WDPCP: variants seen among roughly 807,000 people sequenced by gnomAD.
WDPCP encodes the protein WD repeat-containing and planar cell polarity effector protein fritz homolog.
A neutral mutation model predicts 93.1 loss-of-function variants in WDPCP; 71 were observed. That is an observed-to-expected ratio of 0.76 (90% CI 0.63 to 0.93). The LOEUF (loss-of-function observed/expected upper bound fraction) is 0.93. WDPCP is among the 40% of genes least tolerant of loss of function. The pLI is 0.00. For synonymous variants in WDPCP, 315 were observed against 315.0 expected (o/e 1.00, Z 0.00); for missense variants, 844 against 887.4 (o/e 0.95, Z 0.62).
chr2:63,422,420 G>C (rs1215982974), intron 9 of WDPCP, among the ~76,000 whole-genome samples: 1 of 152,052 alleles, frequency 6.6e-6, no homozygotes, highest in Non-Finnish European at 1.5e-5. Flanking sequence ...AGCTAACAGG[G>C]CACCTTCAGA....
chr2:63,784,468 T>A (rs1670440265), intron 2 of WDPCP, among the ~76,000 whole-genome samples: 1 of 152,150 alleles, frequency 6.6e-6, no homozygotes, highest in Non-Finnish European at 1.5e-5. Context: ...CTTTCTATAA[T>A]GTTAATAATA....
Position 63,439,853 on chromosome 2 carries a change from C to T in WDPCP, c.403G>A (p.Val135Met). The T allele has an allele frequency of 6.2e-7, 1 of 1,613,158 alleles. No individual in the cohort carries two copies. The highest frequency in any genetic ancestry group is 8.5e-7 in the Non-Finnish European group (1 of 1,179,352). Residue 135 changes from valine to methionine, a missense_variant, in exon 7 of 18, where the codon GTG becomes ATG. Val to Met is a conservative substitution (Grantham distance 21). Coordinates refer to ENST00000272321, the MANE Select transcript of WDPCP (RefSeq NM_015910.7). The stretch of plus-strand genomic sequence containing the variant: ...CCAGAAAGGCTTAGAGACACCAGCA[C>T]ACCTGAACCAAAAAGGAGCTAAAAC... ...YVCQLLFGSG[V>M]LVSLSLSGPQ...
chr2:63,414,292 A>T (rs1003212677), intron 9 of WDPCP, among the ~76,000 whole-genome samples: 4 of 152,212 alleles, frequency 2.6e-5, no homozygotes, highest in African/African-American at 9.6e-5. Flanking sequence ...AACTAAAAGT[A>T]GAACTACCAT....
At position 63,691,223 on chromosome 2, in the gene WDPCP, G is replaced by A. The variant is rs935174982; in HGVS notation, n.309-40385C>T. Among the ~76,000 whole-genome samples, 5 of 152,290 alleles carry A rather than the reference G, an allele frequency of 3.3e-5. No homozygotes were observed. The South Asian group carries it at 1.0e-3, about 32-fold the overall frequency. ...TAGTTTGAGGGCAGGAAAAAATTAT[G>A]TTGGATCTGAAACATCAGGATGTTT... On this transcript the variant is annotated intron_variant and non_coding_transcript_variant, in intron 2 of 4. Transcript: ENST00000467687.
At chr2:63,561,237 G>C (rs974071898) in intron 1 of WDPCP, among the ~76,000 whole-genome samples, 20 of 152,170 alleles carry the variant, frequency 1.3e-4, no homozygotes, top group African/African-American at 4.6e-4. Context: ...CCAGCACTTT[G>C]GGAGGCCGAG....
chr2:63,605,007 C>T lies in WDPCP; in HGVS notation n.488+45652G>A, dbSNP rs147877660. On this transcript the variant is annotated intron_variant and non_coding_transcript_variant, in intron 3 of 4. Transcript: ENST00000467687. Reference sequence around the variant, plus strand: ...TGCATACTTTCGGGATCATAGTAAGCCAGTCATGATCTAGTGTGATCTGAT... The same window carrying T: ...TGCATACTTTCGGGATCATAGTAAGTCAGTCATGATCTAGTGTGATCTGAT... 0.011 allele frequency: 9,063 copies of T among 840,524 alleles called. 68 individuals are homozygous for T. The highest frequency in any genetic ancestry group is 0.014 in the Non-Finnish European group (7,674 of 547,264). The allele number at this position is 840,524 out of a possible 1,614,324, so 52.1% of individuals were successfully genotyped here. A position where few individuals can be genotyped will look rare whatever the true frequency, so the allele number is the denominator to read the frequency against.
intron 1 of WDPCP, among the ~76,000 whole-genome samples, chr2:63,532,392 C>A (rs1025360275): frequency 2.0e-5 from 3 of 151,988 alleles, no homozygotes; most frequent in East Asian, 1.9e-4. Flanking sequence ...GAAGAGCAAC[C>A]CCAAGACACA....
chr2:63,221,977 G>A (rs905013879), intron 14 of WDPCP, among the ~76,000 whole-genome samples: 2 of 151,978 alleles, frequency 1.3e-5, no homozygotes, highest in Non-Finnish European at 2.9e-5. Context: ...TCCCATTCTG[G>A]GTTGGATCCT....
intron 9 of WDPCP, among the ~76,000 whole-genome samples, chr2:63,430,468 A>G (rs568284570): frequency 1.3e-5 from 2 of 152,374 alleles, no homozygotes; most frequent in South Asian, 4.1e-4. Flanking sequence ...ACATTAAAAT[A>G]TATTAATATT....
chr2:63,298,966 A>G (rs1192963182), intron 13 of WDPCP, among the ~76,000 whole-genome samples: 2 of 152,226 alleles, frequency 1.3e-5, no homozygotes, highest in Non-Finnish European at 2.9e-5. Flanking sequence ...AGTAAGCCAC[A>G]TCTTTTGTGG....
intron 7 of WDPCP, 89 bp downstream of exon 7, chr2:63,439,668 A>G (rs1316450462): frequency 8.8e-6 from 10 of 1,136,012 alleles, no homozygotes; most frequent in Non-Finnish European, 1.3e-5. Context: ...GCAAGTCCCC[A>G]GTGGTAATAA....
At chr2:63,146,860 G>A (rs72813414) in intron 17 of WDPCP, among the ~76,000 whole-genome samples, 1,643 of 152,308 alleles carry the variant, frequency 0.011, 17 homozygotes, top group Middle Eastern at 0.037. Context: ...CGCAATTATT[G>A]TAAGACATTA....
At chr2:63,447,236 A>G (rs1176031378) in intron 6 of WDPCP, among the ~76,000 whole-genome samples, 1 of 152,186 alleles carries the variant, frequency 6.6e-6, no homozygotes, top group Non-Finnish European at 1.5e-5. Context: ...AGAAAATATC[A>G]GAAAAAATAA....
chr2:63,125,266 C>T (rs550041873), intron 17 of WDPCP, among the ~76,000 whole-genome samples: 1 of 152,294 alleles, frequency 6.6e-6, no homozygotes, highest in South Asian at 2.1e-4. Context: ...AGCTAACTAA[C>T]TTTCTAACTT....
rs147867927 is a variant in WDPCP, at chr2:63,554,996, C to T, written c.75+33201G>A. The stretch of plus-strand genomic sequence containing the variant: ...GAGCAGTCCACAAATTAGGAGATCC[C>T]CTCATGAGCTCATGCCAGCAGGGCC... On this transcript the variant is annotated intron_variant, in intron 1 of 17. Transcript: ENST00000272321. Among the ~76,000 whole-genome samples the T allele has an allele frequency of 1.7e-4, 26 of 152,346 alleles. No homozygotes were observed. In the East Asian group the frequency reaches 4.6e-3, roughly 27 times the overall value.
At chr2:63,316,395 T>C (rs1686641417) in intron 12 of WDPCP, among the ~76,000 whole-genome samples, 1 of 152,148 alleles carries the variant, frequency 6.6e-6, no homozygotes, top group Non-Finnish European at 1.5e-5. Context: ...CGGGCGCCTA[T>C]AATCCCAGCA....
chr2:63,332,586 T>TA (rs1230702366), intron 12 of WDPCP, among the ~76,000 whole-genome samples: 1 of 152,204 alleles, frequency 6.6e-6, no homozygotes, highest in African/African-American at 2.4e-5. Flanking sequence ...TGCGTTATCT[T>TA]ACTGTTAAGT....
intron 1 of WDPCP, among the ~76,000 whole-genome samples, chr2:63,557,055 T>A (rs1230762557): frequency 1.3e-5 from 2 of 152,146 alleles, no homozygotes; most frequent in Non-Finnish European, 2.9e-5. Flanking sequence ...TATCAACCAC[T>A]ACAAAAACAC....
chr2:63,803,970 C>T (rs997638627), intron 2 of WDPCP, among the ~76,000 whole-genome samples: 6 of 152,050 alleles, frequency 3.9e-5, no homozygotes, highest in Admixed American at 1.3e-4. Context: ...TCTTCTATTA[C>T]CAGAAAACTA....
Sources: allele counts gnomAD v4.1 joint callset (sites outside exome capture counted in the v4.1 genomes callset), GRCh38; gene constraint gnomAD v4.1.1; transcripts MANE v1.5; gene names NCBI Gene and HGNC (gene_info 2026-07-23, HGNC 2026-07-21).